The following INPP4B variants were observed in gnomAD, a reference collection of about 807,000 sequenced individuals.
The protein encoded by INPP4B is inositol polyphosphate-4-phosphatase type II B.
In INPP4B, 55 loss-of-function variants were observed where a neutral mutation model predicts 122.5. That is an observed-to-expected ratio of 0.45 (90% CI 0.36 to 0.56). The LOEUF is 0.56. Ranked by LOEUF, INPP4B falls within the 20% of genes least tolerant of loss-of-function variation. INPP4B has a pLI of 0.00. For synonymous variants in INPP4B, 403 were observed against 388.7 expected (o/e 1.04, Z -0.43); for missense variants, 1,000 against 1,097.7 (o/e 0.91, Z 1.26).
chr4:142,754,191 C>T (rs984703963), intron 1 of INPP4B, among the ~76,000 whole-genome samples: 1 of 151,956 alleles, frequency 6.6e-6, no homozygotes, highest in Non-Finnish European at 1.5e-5. Flanking sequence ...TTAATAATTC[C>T]ATGGATTCTC....
intron 2 of INPP4B, among the ~76,000 whole-genome samples, chr4:142,560,999 A>T (rs1730355098): frequency 6.6e-6 from 1 of 152,228 alleles, no homozygotes. Flanking sequence ...AGACCTTTTT[A>T]TTATCATTTG....
At chr4:142,622,002 A>G (rs1444470225) in intron 2 of INPP4B, among the ~76,000 whole-genome samples, 2 of 151,940 alleles carry the variant, frequency 1.3e-5, no homozygotes, top group African/African-American at 4.8e-5. Context: ...CAGTAAGTAA[A>G]TTGAAAATTG....
At chr4:142,290,521 C>T (rs1755988777) in intron 9 of INPP4B, among the ~76,000 whole-genome samples, 9 of 151,866 alleles carry the variant, frequency 5.9e-5, no homozygotes, top group Admixed American at 5.9e-4. Flanking sequence ...TATTTCTTTA[C>T]CTCTCCTCCA....
intron 2 of INPP4B, among the ~76,000 whole-genome samples, chr4:142,573,104 G>A (rs375248741): frequency 6.6e-6 from 1 of 152,086 alleles, no homozygotes; most frequent in East Asian, 1.9e-4. Flanking sequence ...TGAAGGGGAA[G>A]CAAGGACATC....
At chr4:142,275,896 C>G (rs1412275063) in intron 9 of INPP4B, among the ~76,000 whole-genome samples, 3 of 151,744 alleles carry the variant, frequency 2.0e-5, no homozygotes, top group African/African-American at 7.3e-5. Flanking sequence ...CCAACTTGAT[C>G]TTGATTTTCT....
chr4:142,481,436 A>C (rs138252889), intron 2 of INPP4B, among the ~76,000 whole-genome samples: 1 of 152,262 alleles, frequency 6.6e-6, no homozygotes, highest in Non-Finnish European at 1.5e-5. Context: ...TTCTGAGAGG[A>C]ATCCCTCTAA....
chr4:142,595,435 T>C (rs949351442), intron 2 of INPP4B, among the ~76,000 whole-genome samples: 5 of 152,276 alleles, frequency 3.3e-5, no homozygotes, highest in Admixed American at 2.0e-4. Flanking sequence ...ATGGCCTCAG[T>C]AGTGTATAAA....
chr4:142,480,059 A>G (rs1363560619), intron 2 of INPP4B, among the ~76,000 whole-genome samples: 1 of 152,146 alleles, frequency 6.6e-6, no homozygotes, highest in East Asian at 1.9e-4. Flanking sequence ...TCTGATTGTC[A>G]CTCCAGATAG....
chr4:142,182,986 T>C (rs1831558812), intron 15 of INPP4B, among the ~76,000 whole-genome samples: 1 of 152,200 alleles, frequency 6.6e-6, no homozygotes. Context: ...ATCCATAGCC[T>C]ATAGGGTGAA....
At chr4:142,216,406 C>T (rs1457101788) in intron 12 of INPP4B, among the ~76,000 whole-genome samples, 1 of 152,164 alleles carries the variant, frequency 6.6e-6, no homozygotes, top group Non-Finnish European at 1.5e-5. Context: ...CTCCATTTCC[C>T]TTTCCTGACT....
chr4:142,670,361 A>G (rs1756819747), intron 2 of INPP4B, among the ~76,000 whole-genome samples: 1 of 152,218 alleles, frequency 6.6e-6, no homozygotes, highest in Admixed American at 6.5e-5. Flanking sequence ...TTGCAGCATT[A>G]TACACAATAG....
chr4:142,744,643 A>C (rs1247548606), intron 1 of INPP4B, among the ~76,000 whole-genome samples: 1 of 151,850 alleles, frequency 6.6e-6, no homozygotes, highest in Non-Finnish European at 1.5e-5. Context: ...ACATGCTGAA[A>C]AAATTTATTT....
At chr4:142,775,525 C>T (rs1441778839) in intron 1 of INPP4B, among the ~76,000 whole-genome samples, 1 of 146,084 alleles carries the variant, frequency 6.8e-6, no homozygotes, top group Non-Finnish European at 1.5e-5. Flanking sequence ...CCTCCCCACC[C>T]CTCCCCTACT....
At chr4:142,488,167 TTCC>T (rs1226727857) in intron 2 of INPP4B, among the ~76,000 whole-genome samples, 4 of 152,128 alleles carry the variant, frequency 2.6e-5, no homozygotes, top group Non-Finnish European at 4.4e-5. Flanking sequence ...ATCATAGAAC[TTCC>T]TCCTTTCTTC....
chr4:142,268,073 C>A (rs1285562327), intron 10 of INPP4B, among the ~76,000 whole-genome samples: 1 of 151,556 alleles, frequency 6.6e-6, no homozygotes, highest in South Asian at 2.1e-4. Context: ...CCTGTAATCC[C>A]AGCACTTTGG....
intron 2 of INPP4B, among the ~76,000 whole-genome samples, chr4:142,683,332 T>C (rs1403265435): frequency 6.6e-6 from 1 of 151,704 alleles, no homozygotes; most frequent in Non-Finnish European, 1.5e-5. Context: ...CTAAAGAGAG[T>C]GAAAGGACTT....
Position 142,314,638 on chromosome 4 carries a change from G to C in INPP4B, c.423+74C>G, listed in dbSNP as rs577234171. The C allele has an allele frequency of 1.4e-5, 19 of 1,368,018 alleles. No individual in the cohort carries two copies. The East Asian group carries it at 4.5e-4, about 32-fold the overall frequency. The allele number at this position is 1,368,018 out of a possible 1,614,324, so 84.7% of individuals were successfully genotyped here. On this transcript the variant is annotated intron_variant, in intron 8 of 25. Transcript: ENST00000262992. ...AATTTTATTTGTCAGTTACCAAGCA[G>C]GAGGCCAGAGAAAATCCAAATGATT...
At chr4:142,552,663 A>G (rs1031052970) in intron 2 of INPP4B, among the ~76,000 whole-genome samples, 4 of 152,218 alleles carry the variant, frequency 2.6e-5, no homozygotes, top group Admixed American at 6.5e-5. Context: ...AATATAAAGA[A>G]TAAAGTTAAC....
intron 23 of INPP4B, among the ~76,000 whole-genome samples, chr4:142,090,958 A>G (rs558813669): frequency 3.3e-5 from 5 of 152,292 alleles, no homozygotes; most frequent in South Asian, 2.1e-4. Flanking sequence ...TTCATACAAA[A>G]CAACAGCAAT....
Sources: allele counts gnomAD v4.1 joint callset (sites outside exome capture counted in the v4.1 genomes callset), GRCh38; gene constraint gnomAD v4.1.1; transcripts MANE v1.5; gene names NCBI Gene and HGNC (gene_info 2026-07-23, HGNC 2026-07-21).